PPM1K: variants seen among roughly 807,000 people sequenced by gnomAD.
PPM1K encodes protein phosphatase, Mg2+/Mn2+ dependent 1K.
PPM1K carries 19 observed loss-of-function variants against 32.6 expected under a neutral mutation model. That is an observed-to-expected ratio of 0.58 (90% CI 0.41 to 0.86). The LOEUF (loss-of-function observed/expected upper bound fraction) is 0.86, where lower values mean the gene tolerates loss of function less well. PPM1K is among the 40% of genes least tolerant of loss of function. The pLI is 0.00. For missense variants in PPM1K, 362 were observed against 461.2 expected, an observed-to-expected ratio of 0.78 and a Z score of 1.97; for synonymous variants, 159 against 165.3, an observed-to-expected ratio of 0.96 and a Z score of 0.29.
At chr4:88,265,247 G>A in intron 5 of PPM1K, 112 bp from the exon 6 acceptor site, 2 of 1,219,736 alleles carry the variant, frequency 1.6e-6, no homozygotes, top group South Asian at 1.4e-5. Flanking sequence ...GTAACAGCTT[G>A]TAAGCTGATA....
chr4:88,265,205 G>C, intron 5 of PPM1K, 70 bp from the exon 6 acceptor site: 1 of 1,575,218 alleles, frequency 6.3e-7, no homozygotes, highest in Non-Finnish European at 8.7e-7. Context: ...CTAATTCAAA[G>C]ATTTTACCTG....
At chr4:88,274,181 G>A (rs979793280) in intron 3 of PPM1K, among the ~76,000 whole-genome samples, 3 of 152,124 alleles carry the variant, frequency 2.0e-5, no homozygotes, top group East Asian at 1.9e-4. Context: ...AGGACTGAGC[G>A]GCACGCCTCT....
At chr4:88,269,710 C>T (rs1179610789) in intron 3 of PPM1K, among the ~76,000 whole-genome samples, 1 of 152,178 alleles carries the variant, frequency 6.6e-6, no homozygotes, top group Non-Finnish European at 1.5e-5. Flanking sequence ...AAACGCAGGG[C>T]AGTACTGCCA....
intron 5 of PPM1K, among the ~76,000 whole-genome samples, chr4:88,266,677 TGC>T (rs1731322971): frequency 7.7e-5 from 11 of 142,814 alleles, no homozygotes; most frequent in Non-Finnish European, 1.5e-4. Flanking sequence ...GTGCAGGTGA[TGC>T]TGGCTGATTG....
At chr4:88,270,508 A>G (rs151111244) in intron 3 of PPM1K, among the ~76,000 whole-genome samples, 5 of 151,398 alleles carry the variant, frequency 3.3e-5, no homozygotes, top group South Asian at 4.3e-4. Context: ...AAATTACCCA[A>G]ACGACTATGA....
Position 88,277,238 on chromosome 4 carries a change from A to C in PPM1K, c.446T>G (p.Leu149Trp). Residue 149 changes from leucine to tryptophan, a missense_variant, in exon 3 of 7, where the codon TTG (leucine) becomes TGG (tryptophan). Coordinates refer to ENST00000608933, the MANE Select transcript of PPM1K (RefSeq NM_152542.5). Reference sequence around the variant, plus strand: ...TTCCAAGTTCTTCTCCTTAGGAAGCAAATCCCTTTGTGGGGAGGAAAAAAA... The same window carrying C: ...TTCCAAGTTCTTCTCCTTAGGAAGCCAATCCCTTTGTGGGGAGGAAAAAAA... ...HTHMEKCIMD[L>W]LPKEKNLETL... The C allele has an allele frequency of 6.2e-7, 1 of 1,611,836 alleles. No homozygotes were observed. The highest frequency in any genetic ancestry group is 1.6e-4 in the Middle Eastern group (1 of 6,062).
chr4:88,275,179 C>A, intron 3 of PPM1K: 2 of 570,980 alleles, frequency 3.5e-6, no homozygotes, highest in Non-Finnish European at 4.4e-6. Flanking sequence ...TTCTTTATTA[C>A]AAATGAATTG....
intron 5 of PPM1K, among the ~76,000 whole-genome samples, chr4:88,265,417 T>C (rs752357783): frequency 1.3e-5 from 2 of 152,204 alleles, no homozygotes; most frequent in Non-Finnish European, 2.9e-5. Flanking sequence ...CTGATGGTTT[T>C]ATAAAGGGTA....
intron 6 of PPM1K, among the ~76,000 whole-genome samples, chr4:88,263,226 A>G (rs561372388): frequency 6.6e-6 from 1 of 152,352 alleles, no homozygotes; most frequent in African/African-American, 2.4e-5. Flanking sequence ...AAGCCTATGC[A>G]AATAGCTAAC....
chr4:88,270,516 T>C (rs1028291052), intron 3 of PPM1K, among the ~76,000 whole-genome samples: 1 of 152,214 alleles, frequency 6.6e-6, no homozygotes, highest in African/African-American at 2.4e-5. Context: ...CAAACGACTA[T>C]GAAACAGTGG....
chr4:88,264,397 A>G (rs1227617502), intron 6 of PPM1K, among the ~76,000 whole-genome samples: 1 of 152,130 alleles, frequency 6.6e-6, no homozygotes, highest in Admixed American at 6.5e-5. Context: ...GCCTTTTGGT[A>G]TTTTGGTTTA....
At chr4:88,276,898 G>T in intron 3 of PPM1K, 1 of 855,428 alleles carries the variant, frequency 1.2e-6, no homozygotes, top group Non-Finnish European at 1.5e-6. Flanking sequence ...CATCAGAACT[G>T]TTTCGGGGCT....
intron 4 of PPM1K, 100 bp downstream of exon 4, chr4:88,268,640 CA>C (rs1231762834): frequency 9.5e-6 from 12 of 1,263,184 alleles, no homozygotes; most frequent in African/African-American, 3.0e-5. Context: ...AAAAGAAAAC[CA>C]AGTCACTGTT....
In PPM1K at chr4:88,268,899, A is replaced by G; in HGVS notation, c.549T>C (p.Leu183=). 6.2e-7 allele frequency: 1 copy of G among 1,605,856 alleles called. No individual in the cohort carries two copies. Among genetic ancestry groups the G allele is most frequent in the Non-Finnish European group, 8.5e-7 (1 of 1,177,024 alleles). Residue 183 remains leucine, a synonymous_variant, in exon 4 of 7, where the codon CTT becomes CTC. Transcript: ENST00000608933. ...CTGTTGCAGTAGTCCCAGAGGTCAGAAGAGTTGCTACAAGTATTATGAAAA... is the reference window on the plus strand; with the variant it reads ...CTGTTGCAGTAGTCCCAGAGGTCAGGAGAGTTGCTACAAGTATTATGAAAA... The part of the protein sequence containing the change: ...SHARLSADAT[L]LTSGTTATVA...
intron 1 of PPM1K, among the ~76,000 whole-genome samples, chr4:88,281,407 C>T (rs1731999816): frequency 6.6e-6 from 1 of 152,086 alleles, no homozygotes; most frequent in African/African-American, 2.4e-5. Flanking sequence ...ACTGCATTCT[C>T]ACAGAGAACA....
In PPM1K at chr4:88,262,256, G is replaced by A. The variant is rs940311365; in HGVS notation, c.*339C>T. On this transcript the variant is annotated 3_prime_UTR_variant, in exon 7 of 7. Transcript: ENST00000608933. ...AAGAACTTCAAAAACGTGTTCAAAT[G>A]AATAAAGAACAAAAATGATCAAAAG... 1.2e-5 allele frequency: 2 copies of A among 160,258 alleles called. No individual in the cohort carries two copies. Among genetic ancestry groups the A allele is most frequent in the African/African-American group, 4.8e-5 (2 of 41,686 alleles). 9.9% of individuals were successfully genotyped at this position (160,258 alleles called of 1,614,324 possible). A position where few individuals can be genotyped will look rare whatever the true frequency, so the allele number is the denominator to read the frequency against.
intron 1 of PPM1K, among the ~76,000 whole-genome samples, chr4:88,283,238 C>T (rs1445175439): frequency 6.6e-6 from 1 of 152,148 alleles, no homozygotes; most frequent in Non-Finnish European, 1.5e-5. Flanking sequence ...CCTCAGCCTC[C>T]GGGGCTGGGA....
intron 1 of PPM1K, among the ~76,000 whole-genome samples, chr4:88,279,852 A>G (rs1731940672): frequency 6.6e-6 from 1 of 152,246 alleles, no homozygotes; most frequent in Non-Finnish European, 1.5e-5. Flanking sequence ...ATTATTCTCA[A>G]TCTTATGTTT....
At position 88,265,076 on chromosome 4, in the gene PPM1K, C is replaced by G. The variant is rs1196927674; in HGVS notation, c.912G>C (p.Val304=). The change falls in exon 6 of 7, where the codon GTG becomes GTC. Residue 304 remains valine (V), a synonymous_variant. Coordinates refer to ENST00000608933, the MANE Select transcript of PPM1K (RefSeq NM_152542.5). ...CAAAGTCACAAATCTCTTGACTATT[C>G]ACCATGAAGTTAATTCCATCTGTGG... is the stretch of plus-strand genomic sequence containing the variant. The part of the protein sequence containing the change: ...VLTTDGINFM[V]NSQEICDFVN... The G allele has an allele frequency of 6.2e-7, 1 of 1,614,176 alleles. No homozygotes were observed. Among genetic ancestry groups the G allele is most frequent in the Non-Finnish European group, 8.5e-7 (1 of 1,180,018 alleles).
Sources: allele counts gnomAD v4.1 joint callset (sites outside exome capture counted in the v4.1 genomes callset), GRCh38; gene constraint gnomAD v4.1.1; transcripts MANE v1.5; gene names NCBI Gene and HGNC (gene_info 2026-07-23, HGNC 2026-07-21).